Variants in FMNL3 observed in about 807,000 individuals in gnomAD.
The protein encoded by FMNL3 is formin-like protein 3.
A neutral mutation model predicts 119.6 loss-of-function variants in FMNL3; 57 were observed. That is an observed-to-expected ratio of 0.48 (90% CI 0.39 to 0.59). The LOEUF (loss-of-function observed/expected upper bound fraction) is 0.59. FMNL3 is among the 20% of genes least tolerant of loss of function. The pLI is 0.00. For missense variants in FMNL3, 1,053 were observed against 1,323.5 expected (o/e 0.80, Z 3.17); for synonymous variants, 491 against 507.3 (o/e 0.97, Z 0.43).
intron 10 of FMNL3, 54 bp downstream of exon 10, chr12:49,654,856 G>A (rs531608146): frequency 6.4e-7 from 1 of 1,551,208 alleles, no homozygotes; most frequent in South Asian, 1.1e-5. Flanking sequence ...TGTTGTCAAG[G>A]AACACACACA....
At chr12:49,646,712 C>T (rs928412544) in intron 25 of FMNL3, 174 bp downstream of exon 25, 8 of 1,546,274 alleles carry the variant, frequency 5.2e-6, no homozygotes, top group Non-Finnish European at 7.0e-6. Flanking sequence ...AAGCGTGAGC[C>T]CCGCTTGGCA....
Position 49,653,415 on chromosome 12 carries a change from C to A in FMNL3, c.1222-88G>T, listed in dbSNP as rs1445576050. The A allele has an allele frequency of 1.9e-5, 25 of 1,341,558 alleles. No homozygotes were observed. The Admixed American group carries it at 2.4e-4, about 13-fold the overall frequency. 83.1% of individuals were successfully genotyped at this position (1,341,558 alleles called of 1,614,324 possible). ...AACCCTAGTCAAGACCTGAGTCGGA[C>A]CCCTCAACACAAGGCCACAAAGGCA... is the stretch of plus-strand genomic sequence containing the variant. On this transcript the variant is annotated intron_variant, in intron 12 of 25. Coordinates refer to ENST00000335154, the MANE Select transcript of FMNL3 (RefSeq NM_175736.5).
intron 1 of FMNL3, among the ~76,000 whole-genome samples, chr12:49,686,248 C>T (rs1232002354): frequency 1.3e-5 from 2 of 149,592 alleles, no homozygotes; most frequent in African/African-American, 4.9e-5. Flanking sequence ...GCTGGGATTA[C>T]AGGCATGAGC....
intron 1 of FMNL3, among the ~76,000 whole-genome samples, chr12:49,705,362 T>C (rs1945020288): frequency 6.6e-6 from 1 of 152,260 alleles, no homozygotes; most frequent in African/African-American, 2.4e-5. Context: ...ATTAAGCCAT[T>C]AGTTTGCTAA....
In FMNL3 at chr12:49,679,038, TG is replaced by T. The variant is rs1944267820; in HGVS notation, c.127-10485del. On this transcript the variant is annotated intron_variant, in intron 1 of 25. Coordinates refer to ENST00000335154, the MANE Select transcript of FMNL3 (RefSeq NM_175736.5). Reference sequence around the variant, plus strand: ...AATAACAATAATAACACTACTAAAATGAAAACAGTAATAATGAAAAAAGCTA... The same window carrying T: ...AATAACAATAATAACACTACTAAAATAAAACAGTAATAATGAAAAAAGCTA... Among the ~76,000 whole-genome samples, 5 of 152,112 alleles carry T rather than the reference TG, an allele frequency of 3.3e-5. No homozygotes were observed. The South Asian group carries it at 1.0e-3, about 32-fold the overall frequency.
In FMNL3 at chr12:49,642,686, C is replaced by T. The variant is rs896161429; in HGVS notation, c.*3129G>A. 1 of 1,612,410 alleles carries T rather than the reference C, an allele frequency of 6.2e-7. No homozygotes were observed. Among genetic ancestry groups the T allele is most frequent in the Non-Finnish European group, 8.5e-7 (1 of 1,179,122 alleles). ...CTACAGGTGCTGGAGGTGAGGCAGG[C>T]TTGTCCTCTGGATCTGCCTCAGGCC... On this transcript the variant is annotated 3_prime_UTR_variant, in exon 26 of 26. Coordinates refer to ENST00000335154, the MANE Select transcript of FMNL3 (RefSeq NM_175736.5). The surrounding 1 kb of genome is among the most constrained non-coding windows in gnomAD (Gnocchi z 5.8).
chr12:49,661,938 C>T lies in FMNL3; in HGVS notation c.452+28G>A, dbSNP rs756780185. 16 of 1,609,488 alleles carry T rather than the reference C, an allele frequency of 9.9e-6. No homozygotes were observed. In the Admixed American group the frequency reaches 2.5e-4, roughly 25 times the overall value. On this transcript the variant is annotated intron_variant, in intron 5 of 25. Transcript: ENST00000335154. The stretch of plus-strand genomic sequence containing the variant: ...AACTATGTCCTCCCCCAACTGGTCC[C>T]CAACTTCAGCCCCGGGGTGGTACTC...
chr12:49,668,829 A>G (rs895895272), intron 1 of FMNL3, among the ~76,000 whole-genome samples: 1 of 152,246 alleles, frequency 6.6e-6, no homozygotes, highest in East Asian at 1.9e-4. Flanking sequence ...ATAGGATAGA[A>G]GATACCAGAA....
intron 1 of FMNL3, among the ~76,000 whole-genome samples, chr12:49,700,801 C>T (rs983084043): frequency 6.1e-5 from 9 of 147,560 alleles, no homozygotes; most frequent in South Asian, 2.2e-4. Flanking sequence ...GATACTGGGC[C>T]GGGCGCAGTG....
At chr12:49,678,358 A>G (rs1021346238) in intron 1 of FMNL3, among the ~76,000 whole-genome samples, 30 of 142,636 alleles carry the variant, frequency 2.1e-4, no homozygotes, top group African/African-American at 7.9e-4. Context: ...GGGTTTCACT[A>G]TGTTGGCCAG....
intron 5 of FMNL3, among the ~76,000 whole-genome samples, chr12:49,659,241 G>C (rs1198969554): frequency 4.6e-5 from 7 of 152,148 alleles, no homozygotes; most frequent in Admixed American, 4.6e-4. Context: ...GCTACTTGAG[G>C]TTTCTAGGTT....
rs1565857377 is a variant in FMNL3, at chr12:49,644,014, A to G, written c.*1801T>C. 6.2e-7 allele frequency: 1 copy of G among 1,614,140 alleles called. No homozygotes were observed. The highest frequency in any genetic ancestry group is 8.5e-7 in the Non-Finnish European group (1 of 1,179,998). On this transcript the variant is annotated 3_prime_UTR_variant, in exon 26 of 26. Transcript: ENST00000335154. ...AATCAAGAAGGAGAAGGTGAGGGGC[A>G]GGGGCCCTAGGCCAGTCAGCACGCT...
chr12:49,641,981 C>T lies in FMNL3; in HGVS notation c.*3834G>A, dbSNP rs768704025. ...CACGTCATAAGCTTTGACAAGAGGG[C>T]TGCCGCACTGGACGCAGGCAACATC... On this transcript the variant is annotated 3_prime_UTR_variant, in exon 26 of 26. Coordinates refer to ENST00000335154, the MANE Select transcript of FMNL3 (RefSeq NM_175736.5). 2.5e-6 allele frequency: 4 copies of T among 1,613,700 alleles called. No homozygotes were observed. Among genetic ancestry groups the T allele is most frequent in the Non-Finnish European group, 3.4e-6 (4 of 1,180,058 alleles).
Position 49,637,256 on chromosome 12 carries a change from C to A in FMNL3, c.*8559G>T. On this transcript the variant is annotated 3_prime_UTR_variant, in exon 26 of 26. Coordinates refer to ENST00000335154, the MANE Select transcript of FMNL3 (RefSeq NM_175736.5). ...CATCCCGGGACTGGCTTGTTCTCAC[C>A]TTTTTGTTCTGTCCCTCTCTGTGTA... 1.7e-6 allele frequency: 1 copy of A among 587,668 alleles called. No individual in the cohort carries two copies. The highest frequency in any genetic ancestry group is 3.0e-6 in the Non-Finnish European group (1 of 330,208). The allele number at this position is 587,668 out of a possible 1,614,324, so 36.4% of individuals were successfully genotyped here. A position where few individuals can be genotyped will look rare whatever the true frequency, so the allele number is the denominator to read the frequency against.
intron 1 of FMNL3, among the ~76,000 whole-genome samples, chr12:49,676,209 T>C (rs1197915535): frequency 6.6e-6 from 1 of 152,226 alleles, no homozygotes; most frequent in Non-Finnish European, 1.5e-5. Flanking sequence ...AGTTGGACAC[T>C]TGACAGCCTA....
At chr12:49,650,624 A>C in intron 17 of FMNL3, 52 bp downstream of exon 17, 1 of 1,595,036 alleles carries the variant, frequency 6.3e-7, no homozygotes, top group Non-Finnish European at 8.6e-7. Flanking sequence ...CTGGGTGGAG[A>C]ACTGGGTTGC....
At chr12:49,702,870 T>C (rs1215008454) in intron 1 of FMNL3, among the ~76,000 whole-genome samples, 2 of 152,172 alleles carry the variant, frequency 1.3e-5, no homozygotes, top group South Asian at 2.1e-4. Flanking sequence ...CCATGGTGAT[T>C]TGGAACCTGA....
intron 1 of FMNL3, among the ~76,000 whole-genome samples, chr12:49,704,723 A>C: frequency 7.4e-6 from 1 of 135,440 alleles, no homozygotes; most frequent in African/African-American, 3.5e-5. Flanking sequence ...AAAAAAAAAA[A>C]AAAAAAAAAA....
Position 49,643,527 on chromosome 12 carries a change from C to A in FMNL3, c.*2288G>T. 7.3e-7 allele frequency: 1 copy of A among 1,377,796 alleles called. No individual in the cohort carries two copies. The highest frequency in any genetic ancestry group is 1.5e-5 in the African/African-American group (1 of 68,566). The allele number at this position is 1,377,796 out of a possible 1,614,324, so 85.3% of individuals were successfully genotyped here. ...GCTGCACCTGTGGAAGTAGAAAGAA[C>A]TTCCTCTACCTGCCCAAGCAAGAAG... On this transcript the variant is annotated 3_prime_UTR_variant, in exon 26 of 26. Coordinates refer to ENST00000335154, the MANE Select transcript of FMNL3 (RefSeq NM_175736.5).
Sources: allele counts gnomAD v4.1 joint callset (sites outside exome capture counted in the v4.1 genomes callset), GRCh38; gene constraint gnomAD v4.1.1; non-coding constraint Gnocchi (gnomAD v3.1); transcripts MANE v1.5; gene names NCBI Gene and HGNC (gene_info 2026-07-23, HGNC 2026-07-21).